The following AP1B1 variants were observed in gnomAD, a reference collection of about 807,000 sequenced individuals.
AP1B1 encodes the protein AP-1 complex subunit beta-1.
Under a neutral mutation model 104.3 loss-of-function variants are expected in AP1B1, and 36 were observed. The observed-to-expected ratio is 0.35, with a 90% CI of 0.26 to 0.46. The LOEUF (loss-of-function observed/expected upper bound fraction) is 0.46. Among genes scored for constraint, AP1B1 ranks in the 20% least tolerant of loss-of-function variants. The pLI, the probability that AP1B1 is intolerant of heterozygous loss-of-function variation, is 1.00. For synonymous variants in AP1B1, 504 were observed against 517.5 expected, an observed-to-expected ratio of 0.97 and a Z score of 0.35; for missense variants, 901 against 1,247.9, an observed-to-expected ratio of 0.72 and a Z score of 4.19.
rs2061716029 is a variant in AP1B1, at chr22:29,341,597, A to G, written c.1700T>C (p.Ile567Thr). 6.2e-7 allele frequency: 1 copy of G among 1,614,114 alleles called. No individual in the cohort carries two copies. The highest frequency in any genetic ancestry group is 1.7e-5 in the Admixed American group (1 of 60,014). ...ATGGTAGACGGAAGCCAGCGTGCCG[A>G]TGTAGCAGATAAGCTCGTCTAACAG... ...PTLLDELICYIGTLASVYHKP... is the reference protein window; with the variant it reads ...PTLLDELICYTGTLASVYHKP... Residue 567 changes from isoleucine (I) to threonine (T), a missense_variant, in exon 13 of 23, where the codon ATC (isoleucine) becomes ACC (threonine). Around this residue, in one of 3 missense-constraint regions of AP1B1, gnomAD observed 471 missense variants for 696.7 expected, o/e 0.68. Transcript: ENST00000357586.
chr22:29,366,854 ACAC>A (rs1449712407), intron 2 of AP1B1, among the ~76,000 whole-genome samples: 6 of 151,368 alleles, frequency 4.0e-5, no homozygotes, highest in Admixed American at 1.3e-4. Context: ...ACACACACAC[ACAC>A]ACACACACAC....
At chr22:29,359,004 G>T in intron 4 of AP1B1, 33 bp from the exon 5 acceptor site, 1 of 1,574,692 alleles carries the variant, frequency 6.4e-7, no homozygotes, top group Non-Finnish European at 8.6e-7. Flanking sequence ...CAGGGCAGGG[G>T]TGGGATGAGC....
In AP1B1 at chr22:29,362,186, A is replaced by G. The variant is rs537377135; in HGVS notation, c.143+815T>C. On this transcript the variant is annotated intron_variant, in intron 3 of 22. Coordinates refer to ENST00000357586, the MANE Select transcript of AP1B1 (RefSeq NM_001127.4). ...AAGGTGCGGCAGCCGCTCTACACAC[A>G]ACCGGCTTTAGCCATCAGGTGCGAC... Among the ~76,000 whole-genome samples, 76 of 152,324 alleles carry G rather than the reference A, an allele frequency of 5.0e-4. 1 individual carries two copies. The South Asian group carries it at 5.6e-3, about 11-fold the overall frequency.
chr22:29,358,131 G>T (rs1208434075), intron 5 of AP1B1, among the ~76,000 whole-genome samples: 1 of 152,174 alleles, frequency 6.6e-6, no homozygotes, highest in African/African-American at 2.4e-5. Flanking sequence ...GGGAATGGCT[G>T]GGTTTGTGCA....
At chr22:29,329,473 G>A in intron 22 of AP1B1, 1 of 1,387,302 alleles carries the variant, frequency 7.2e-7, no homozygotes, top group Non-Finnish European at 9.3e-7. Context: ...GAACAATGGA[G>A]TTCCGCAGGT....
intron 1 of AP1B1, among the ~76,000 whole-genome samples, chr22:29,383,129 C>T (rs530015068): frequency 2.0e-5 from 3 of 152,268 alleles, no homozygotes; most frequent in East Asian, 3.9e-4. Flanking sequence ...CAGCACCAGG[C>T]ATTAGCAGGC....
rs1260837952 is a variant in AP1B1 at position 29,356,575 on chromosome 22, C to G, written c.567G>C (p.Glu189Asp). The change falls in exon 6 of 23, where the codon GAG becomes GAC. Residue 189 changes from glutamate to aspartate, a missense_variant. Physicochemically the swap from Glu to Asp is conservative, Grantham distance 45. This residue lies in a region of AP1B1 where 471 missense variants were observed against 696.7 expected (regional missense o/e 0.68). Coordinates refer to ENST00000357586, the MANE Select transcript of AP1B1 (RefSeq NM_001127.4). The part of the protein sequence containing the change: ...NAVAALSEIA[E>D]SHPSSNLLDL... ...CGAGCAGGTTGCTGCTGGGGTGAGACTCGGCAATTTCTGAGAGCGCTGCCA... is the reference window on the plus strand; with the variant it reads ...CGAGCAGGTTGCTGCTGGGGTGAGAGTCGGCAATTTCTGAGAGCGCTGCCA... The G allele has an allele frequency of 6.2e-7, 1 of 1,614,028 alleles. No homozygotes were observed. The highest frequency in any genetic ancestry group is 8.5e-7 in the Non-Finnish European group (1 of 1,180,038).
chr22:29,329,970 G>A, intron 21 of AP1B1: 1 of 1,416,658 alleles, frequency 7.1e-7, no homozygotes. Context: ...CCCCAGGGAA[G>A]CCATTCTCTA....
chr22:29,338,068 G>A (rs2061663316), intron 16 of AP1B1, among the ~76,000 whole-genome samples: 1 of 152,200 alleles, frequency 6.6e-6, no homozygotes, highest in South Asian at 2.1e-4. Flanking sequence ...TGTGCCCTAG[G>A]TGGCATAGTG....
chr22:29,356,665 C>G, intron 5 of AP1B1, 49 bp from the exon 6 acceptor site: 1 of 1,557,472 alleles, frequency 6.4e-7, no homozygotes, highest in Non-Finnish European at 8.8e-7. Context: ...TGCTCACAGG[C>G]CAGGGGGCAG....
chr22:29,329,052 A>G (rs2061517836), intron 22 of AP1B1, 157 bp from the exon 23 acceptor site: 18 of 1,437,474 alleles, frequency 1.3e-5, no homozygotes, highest in Non-Finnish European at 1.6e-5. Flanking sequence ...GGTAAAGCGG[A>G]GGGGGCGGCT....
rs138994153 is a variant in AP1B1 at position 29,387,772 on chromosome 22, T to C, written c.-28+652A>G. Among the ~76,000 whole-genome samples, 909 of 152,342 alleles carry C rather than the reference T, an allele frequency of 6.0e-3. 9 individuals carry two copies. The highest frequency in any genetic ancestry group is 0.024 in the Middle Eastern group (7 of 294). Reference sequence around the variant, plus strand: ...CTCTGTGCCTCAGGGTCCTCATCGATAAAATAGGGATATTTAATCCCCACA... The same window carrying C: ...CTCTGTGCCTCAGGGTCCTCATCGACAAAATAGGGATATTTAATCCCCACA... On this transcript the variant is annotated intron_variant, in intron 1 of 22. Coordinates refer to ENST00000357586, the MANE Select transcript of AP1B1 (RefSeq NM_001127.4).
At chr22:29,369,169 C>A (rs750430015) in intron 1 of AP1B1, among the ~76,000 whole-genome samples, 1 of 152,102 alleles carries the variant, frequency 6.6e-6, no homozygotes, top group Non-Finnish European at 1.5e-5. Flanking sequence ...ACTAGTGCAA[C>A]GGATGTGAGG....
intron 11 of AP1B1, among the ~76,000 whole-genome samples, chr22:29,344,486 G>A (rs1397161718): frequency 2.0e-5 from 3 of 150,456 alleles, no homozygotes; most frequent in Middle Eastern, 3.5e-3. Context: ...AGGGCCAGAC[G>A]CTGGGCTGAT....
intron 3 of AP1B1, among the ~76,000 whole-genome samples, 156 bp from the exon 4 acceptor site, chr22:29,360,115 TAAC>T (rs1405172084): frequency 6.6e-6 from 1 of 152,168 alleles, no homozygotes; most frequent in Middle Eastern, 3.2e-3. Flanking sequence ...GGTCTGCTGT[TAAC>T]AATCAACACC....
chr22:29,388,168 A>G (rs2062562694), intron 1 of AP1B1, among the ~76,000 whole-genome samples: 1 of 152,240 alleles, frequency 6.6e-6, no homozygotes, highest in Non-Finnish European at 1.5e-5. Flanking sequence ...TCGGGGCCTA[A>G]GTCCTGTCTC....
Position 29,354,659 on chromosome 22 carries a change from A to C in AP1B1, c.929T>G (p.Val310Gly). The C allele has an allele frequency of 6.2e-7, 1 of 1,614,114 alleles. No individual in the cohort carries two copies. The highest frequency in any genetic ancestry group is 8.5e-7 in the Non-Finnish European group (1 of 1,180,032). ...GTGGTGACCTCAGTACCTTTTCTGC[A>C]CGATGAGATTGATGTTGCGCAGGGC... ...YVALRNINLIVQKRPEILKHE... is the reference protein window; with the variant it reads ...YVALRNINLIGQKRPEILKHE... The change falls in exon 7 of 23, where the codon GTG (valine) becomes GGG (glycine). Residue 310 changes from valine to glycine, a missense_variant. Around this residue, in one of 3 missense-constraint regions of AP1B1, gnomAD observed 471 missense variants for 696.7 expected, o/e 0.68. Coordinates refer to ENST00000357586, the MANE Select transcript of AP1B1 (RefSeq NM_001127.4).
intron 7 of AP1B1, among the ~76,000 whole-genome samples, chr22:29,353,015 C>T (rs537512375): frequency 5.9e-5 from 9 of 152,244 alleles, no homozygotes; most frequent in South Asian, 4.1e-4. Flanking sequence ...TTCTGCCTTC[C>T]GCGAGTATCA....
intron 1 of AP1B1, among the ~76,000 whole-genome samples, chr22:29,380,029 C>T (rs1333249427): frequency 6.6e-6 from 1 of 152,162 alleles, no homozygotes; most frequent in East Asian, 1.9e-4. Flanking sequence ...GCAGACGAGG[C>T]TAGGGAAGGA....
Sources: allele counts gnomAD v4.1 joint callset (sites outside exome capture counted in the v4.1 genomes callset), GRCh38; gene constraint gnomAD v4.1.1; regional missense constraint gnomAD v4.1.1; transcripts MANE v1.5; gene names NCBI Gene and HGNC (gene_info 2026-07-23, HGNC 2026-07-21).